The following ANO6 variants were observed in gnomAD, a reference collection of about 807,000 sequenced individuals.
ANO6 encodes the protein anoctamin 6.
A neutral mutation model predicts 117.5 loss-of-function variants in ANO6; 106 were observed. The observed-to-expected ratio is 0.90, with a 90% CI of 0.77 to 1.06. The LOEUF is 1.06. Among genes scored for constraint, ANO6 ranks in the 50% least tolerant of loss-of-function variants. The pLI is 0.00. For synonymous variants in ANO6, 367 were observed against 385.1 expected, an observed-to-expected ratio of 0.95 and a Z score of 0.55; for missense variants, 955 against 1,121.1, an observed-to-expected ratio of 0.85 and a Z score of 2.12.
At chr12:45,387,897 T>G (rs1310431855) in intron 10 of ANO6, among the ~76,000 whole-genome samples, 10 of 152,092 alleles carry the variant, frequency 6.6e-5, no homozygotes, top group Non-Finnish European at 1.5e-5. Flanking sequence ...TCCTCCGTGC[T>G]CTCTCTCTCC....
Position 45,280,903 on chromosome 12 carries a change from G to A in ANO6, c.71-21111G>A, listed in dbSNP as rs1012608680. 4.0e-5 allele frequency among the ~76,000 whole-genome samples: 6 copies of A among 149,858 alleles called. No homozygotes were observed. The East Asian group carries it at 5.9e-4, about 15-fold the overall frequency. The stretch of plus-strand genomic sequence containing the variant: ...ATAGAGAGAGAGAGAGAGAATATAT[G>A]TATATTTTATATATAATGCATATAT... On this transcript the variant is annotated intron_variant, in intron 1 of 19. Coordinates refer to ENST00000320560, the MANE Select transcript of ANO6 (RefSeq NM_001025356.3).
chr12:45,217,177 A>C (rs902881790), intron 1 of ANO6, among the ~76,000 whole-genome samples: 3 of 152,136 alleles, frequency 2.0e-5, no homozygotes, highest in African/African-American at 7.2e-5. Context: ...GAGGTGAGGA[A>C]GGGGAAAGGA....
In ANO6 at chr12:45,431,957, T is replaced by C. The variant is rs1943642329; in HGVS notation, c.*2646T>C. ...CCTCAGATAATTTAGCTATATATCA[T>C]TAGAAAGGGAAAGCTATCATTTTTA... On this transcript the variant is annotated 3_prime_UTR_variant, in exon 20 of 20. Transcript: ENST00000320560. 1.0e-6 allele frequency: 1 copy of C among 985,170 alleles called. No homozygotes were observed. 61.0% of individuals were successfully genotyped at this position (985,170 alleles called of 1,614,324 possible). A position where few individuals can be genotyped will look rare whatever the true frequency, so the allele number is the denominator to read the frequency against.
chr12:45,250,600 G>A (rs750899550), intron 1 of ANO6, among the ~76,000 whole-genome samples: 1 of 151,780 alleles, frequency 6.6e-6, no homozygotes, highest in Admixed American at 6.6e-5. Flanking sequence ...GGGTCGTCTT[G>A]CTGTGTTGCC....
At chr12:45,410,971 G>A (rs1194072166) in intron 16 of ANO6, among the ~76,000 whole-genome samples, 1 of 152,170 alleles carries the variant, frequency 6.6e-6, no homozygotes, top group Non-Finnish European at 1.5e-5. Flanking sequence ...TATTAAGGGT[G>A]TAGCTGCAGT....
intron 15 of ANO6, among the ~76,000 whole-genome samples, chr12:45,407,022 A>G (rs1942952579): frequency 6.6e-6 from 1 of 152,178 alleles, no homozygotes. Context: ...GGCCAGGGAA[A>G]ACGTATCTGG....
chr12:45,391,570 T>TA (rs376796701), intron 12 of ANO6, among the ~76,000 whole-genome samples: 22 of 149,704 alleles, frequency 1.5e-4, no homozygotes, highest in African/African-American at 2.7e-4. Flanking sequence ...TCAAAAACAT[T>TA]AAAAAAAAAA....
intron 2 of ANO6, among the ~76,000 whole-genome samples, chr12:45,328,614 A>G (rs1160449809): frequency 6.6e-6 from 1 of 152,142 alleles, no homozygotes; most frequent in Non-Finnish European, 1.5e-5. Flanking sequence ...TATGTTTCAT[A>G]TTTTGAGAAA....
intron 1 of ANO6, among the ~76,000 whole-genome samples, chr12:45,237,894 T>C (rs889472305): frequency 7.2e-5 from 11 of 152,216 alleles, no homozygotes; most frequent in Non-Finnish European, 1.5e-4. Flanking sequence ...TCCTCTTTTA[T>C]TTCATTGAGC....
At chr12:45,427,971 G>A (rs933024352) in intron 19 of ANO6, among the ~76,000 whole-genome samples, 2 of 149,044 alleles carry the variant, frequency 1.3e-5, no homozygotes, top group African/African-American at 2.5e-5. Flanking sequence ...TTGATGATAC[G>A]AAGATGTAGA....
At chr12:45,219,948 C>T (rs1947371507) in intron 1 of ANO6, among the ~76,000 whole-genome samples, 1 of 152,136 alleles carries the variant, frequency 6.6e-6, no homozygotes, top group South Asian at 2.1e-4. Flanking sequence ...TTGCAAGCCC[C>T]TGGGAGTTAG....
intron 7 of ANO6, among the ~76,000 whole-genome samples, chr12:45,355,876 A>G (rs1444270307): frequency 6.6e-6 from 1 of 152,142 alleles, no homozygotes; most frequent in East Asian, 1.9e-4. Flanking sequence ...CTAAGTCCCC[A>G]CGAGGCTAAG....
exon 20 of ANO6, chr12:45,439,910 G>A: frequency 6.7e-7 from 1 of 1,492,882 alleles, no homozygotes; most frequent in East Asian, 2.5e-5. Flanking sequence ...CCAACTCCGT[G>A]TTTTTCTGTA....
intron 1 of ANO6, among the ~76,000 whole-genome samples, chr12:45,222,047 A>AT (rs933930766): frequency 9.3e-5 from 14 of 150,856 alleles, no homozygotes; most frequent in Admixed American, 2.6e-4. Context: ...ACACCCAGCT[A>AT]TTTTTTTTGT....
chr12:45,224,796 G>T (rs1244779413), intron 1 of ANO6, among the ~76,000 whole-genome samples: 1 of 152,050 alleles, frequency 6.6e-6, no homozygotes, highest in African/African-American at 2.4e-5. Flanking sequence ...TCTTTTGGGA[G>T]CCTAGAAATT....
At chr12:45,285,499 TTTGG>T (rs1938880016) in intron 1 of ANO6, among the ~76,000 whole-genome samples, 1 of 152,098 alleles carries the variant, frequency 6.6e-6, no homozygotes, top group Admixed American at 6.5e-5. Context: ...ATCCCAGCAC[TTTGG>T]GAGGCTGAGG....
chr12:45,332,914 G>A (rs540305436), intron 3 of ANO6, among the ~76,000 whole-genome samples: 7 of 152,014 alleles, frequency 4.6e-5, no homozygotes, highest in South Asian at 2.1e-4. Flanking sequence ...GGAAAGTATC[G>A]TTTCTGGCTG....
intron 3 of ANO6, among the ~76,000 whole-genome samples, chr12:45,342,854 GT>G: frequency 6.6e-6 from 1 of 152,242 alleles, no homozygotes; most frequent in African/African-American, 2.4e-5. Flanking sequence ...CATTTAAGGT[GT>G]TTTTTGGCAG....
chr12:45,429,519 A>T lies in ANO6; in HGVS notation c.*208A>T. 7.3e-7 allele frequency: 1 copy of T among 1,374,700 alleles called. No individual in the cohort carries two copies. Among genetic ancestry groups the T allele is most frequent in the Non-Finnish European group, 9.4e-7 (1 of 1,065,882 alleles). The allele number at this position is 1,374,700 out of a possible 1,614,324, so 85.2% of individuals were successfully genotyped here. A position where few individuals can be genotyped will look rare whatever the true frequency, so the allele number is the denominator to read the frequency against. ...GATCATGAAGGGCATAAAACTTATC[A>T]CCCGGAAAACCTCAATGTTACCTTT... On this transcript the variant is annotated 3_prime_UTR_variant, in exon 20 of 20. Coordinates refer to ENST00000320560, the MANE Select transcript of ANO6 (RefSeq NM_001025356.3).
Sources: gnomAD v4.1 joint callset for allele counts (sites outside exome capture counted in the v4.1 genomes callset) on GRCh38, gnomAD v4.1.1 for gene constraint, MANE v1.5 for transcripts, NCBI Gene and HGNC (gene_info 2026-07-23, HGNC 2026-07-21) for gene names.